RUNX1: variants seen among roughly 807,000 people sequenced by gnomAD.
RUNX1 encodes the protein runt-related transcription factor 1.
RUNX1 carries 19 observed loss-of-function variants against 42.8 expected under a neutral mutation model. That is an observed-to-expected ratio of 0.44 (90% CI 0.31 to 0.65). The LOEUF is 0.65. RUNX1 is among the 30% of genes least tolerant of loss of function. RUNX1 has a pLI of 0.07. For synonymous variants in RUNX1, 271 were observed against 289.4 expected (o/e 0.94, Z 0.64); for missense variants, 528 against 672.0 (o/e 0.79, Z 2.37).
At chr21:34,884,582 A>G (rs757997086) in intron 4 of RUNX1, among the ~76,000 whole-genome samples, 12 of 152,224 alleles carry the variant, frequency 7.9e-5, no homozygotes, top group Admixed American at 3.9e-4. Context: ...CCAGGGACAC[A>G]CACTAAATGA....
intron 5 of RUNX1, among the ~76,000 whole-genome samples, chr21:34,860,175 C>T (rs1423143750): frequency 6.6e-6 from 1 of 152,156 alleles, no homozygotes; most frequent in Non-Finnish European, 1.5e-5. Flanking sequence ...CATAAATGGA[C>T]TTAAGTATAT....
chr21:34,852,399 G>A (rs558683699), intron 6 of RUNX1, among the ~76,000 whole-genome samples: 4 of 152,100 alleles, frequency 2.6e-5, no homozygotes, highest in Non-Finnish European at 1.5e-5. Context: ...TCCACTCTAG[G>A]GTCAAGGAAG....
intron 2 of RUNX1, among the ~76,000 whole-genome samples, chr21:35,047,557 A>C (rs951381124): frequency 7.9e-5 from 6 of 75,816 alleles, no homozygotes; most frequent in Admixed American, 7.8e-4. Flanking sequence ...ACACACACAC[A>C]CACACTCTCT....
At chr21:34,797,154 T>C (rs146781649) in intron 8 of RUNX1, among the ~76,000 whole-genome samples, 237 of 152,326 alleles carry the variant, frequency 1.6e-3, no homozygotes, top group African/African-American at 5.4e-3. Flanking sequence ...TGAAGAGCAG[T>C]CTCCCATACT....
chr21:34,789,367 T>G lies in RUNX1; in HGVS notation c.*2768A>C, dbSNP rs74950917. The stretch of plus-strand genomic sequence containing the variant: ...AGAGGGAGGGAAATGTATTTTCAGA[T>G]AGTGAGAAAAAGAAAGAACTGAAAT... On this transcript the variant is annotated 3_prime_UTR_variant, in exon 9 of 9. Coordinates refer to ENST00000675419, the MANE Select transcript of RUNX1 (RefSeq NM_001754.5). The G allele has an allele frequency of 0.02, 4,633 of 233,554 alleles. 194 individuals carry two copies. Among genetic ancestry groups the G allele is most frequent in the African/African-American group, 0.095 (4,316 of 45,332 alleles). The allele number at this position is 233,554 out of a possible 1,614,324, so 14.5% of individuals were successfully genotyped here.
chr21:34,898,804 G>C (rs1438563781), intron 2 of RUNX1, among the ~76,000 whole-genome samples: 1 of 152,228 alleles, frequency 6.6e-6, no homozygotes, highest in African/African-American at 2.4e-5. Context: ...GCCTCAGCAG[G>C]TCTCGGAAGA....
At chr21:34,859,371 G>A (rs749872499) in intron 6 of RUNX1, 103 bp downstream of exon 6, 5 of 966,518 alleles carry the variant, frequency 5.2e-6, no homozygotes, top group African/African-American at 4.8e-5. Flanking sequence ...TCCCCCTGGG[G>A]GAAAGGTTGA....
chr21:35,004,153 A>G (rs1224151017), intron 2 of RUNX1, among the ~76,000 whole-genome samples: 1 of 152,214 alleles, frequency 6.6e-6, no homozygotes, highest in African/African-American at 2.4e-5. Context: ...ACTTGGAAAT[A>G]CAGAACTGTG....
chr21:34,861,141 A>C (rs1325658127), intron 5 of RUNX1, among the ~76,000 whole-genome samples: 1 of 152,220 alleles, frequency 6.6e-6, no homozygotes, highest in East Asian at 1.9e-4. Context: ...CAGAACCTAG[A>C]GACGAGTCTT....
At chr21:34,961,495 A>C (rs1044655315) in intron 2 of RUNX1, among the ~76,000 whole-genome samples, 2 of 152,184 alleles carry the variant, frequency 1.3e-5, no homozygotes, top group African/African-American at 4.8e-5. Context: ...TCTGGGTAAA[A>C]TTTCCACAAC....
At position 34,925,243 on chromosome 21, in the gene RUNX1, T is replaced by C. The variant is rs1469275566; in HGVS notation, c.59-32280A>G. Among the ~76,000 whole-genome samples, 3 of 152,250 alleles carry C rather than the reference T, an allele frequency of 2.0e-5. No individual in the cohort carries two copies. In the East Asian group the frequency reaches 5.8e-4, roughly 29 times the overall value. ...TAATTATACAGGTCTTTCATTACTC[T>C]TGAATTGGATCATGTGAGTTTATTT... On this transcript the variant is annotated intron_variant, in intron 2 of 8. Transcript: ENST00000675419.
chr21:34,890,102 GC>G (rs1251523720), intron 3 of RUNX1, among the ~76,000 whole-genome samples: 1 of 152,118 alleles, frequency 6.6e-6, no homozygotes, highest in Non-Finnish European at 1.5e-5. Flanking sequence ...GTTGCCGCGG[GC>G]CCGGACGCAG....
chr21:34,949,674 C>T (rs995456005), intron 2 of RUNX1, among the ~76,000 whole-genome samples: 22 of 152,336 alleles, frequency 1.4e-4, no homozygotes, highest in African/African-American at 4.6e-4. Flanking sequence ...CCCGCGCCAG[C>T]GAGGGCAGGC....
intron 3 of RUNX1, among the ~76,000 whole-genome samples, chr21:34,889,311 T>C (rs2058046662): frequency 6.6e-6 from 1 of 152,110 alleles, no homozygotes; most frequent in Admixed American, 6.5e-5. Flanking sequence ...CGCTGATTCC[T>C]TGCATGAGGC....
rs555869715 is a variant in RUNX1, at chr21:34,828,683, C to T, written c.805+5727G>A. Among the ~76,000 whole-genome samples, 213 of 152,210 alleles carry T rather than the reference C, an allele frequency of 1.4e-3. 2 individuals are homozygous for T. Among genetic ancestry groups the T allele is most frequent in the African/African-American group, 4.9e-3 (203 of 41,528 alleles). ...TTGGGAGGTGATTGAGTCATAAGGG[C>T]TCCATCCTCACAAATGAATTCATGC... On this transcript the variant is annotated intron_variant, in intron 7 of 8. Coordinates refer to ENST00000675419, the MANE Select transcript of RUNX1 (RefSeq NM_001754.5).
In RUNX1 at chr21:34,799,436, G is replaced by A. The variant is rs767251526; in HGVS notation, c.832C>T (p.Pro278Ser). 7 of 1,614,058 alleles carry A rather than the reference G, an allele frequency of 4.3e-6. No individual in the cohort carries two copies. The Admixed American group carries it at 5.0e-5, about 12-fold the overall frequency. ...TGGTAGGACTGATCGTAGGACCACG[G>A]TGGGGATGGTTGGATCTGCCTTGTA... ...QDTRQIQPSP[P>S]WSYDQSYQYL... The change falls in exon 8 of 9, where the codon CCG (proline) becomes TCG (serine). Residue 278 changes from proline (P) to serine (S), a missense_variant. By Grantham distance (74) the Pro-to-Ser change is moderately conservative. This residue lies in a region of RUNX1 where 331 missense variants were observed against 382.5 expected (regional missense o/e 0.87). Transcript: ENST00000675419.
At chr21:34,998,898 C>T (rs933626162) in intron 2 of RUNX1, among the ~76,000 whole-genome samples, 64 of 152,310 alleles carry the variant, frequency 4.2e-4, no homozygotes, top group African/African-American at 1.5e-3. Context: ...AAATATCCAC[C>T]CATGAAGTAC....
At chr21:35,018,027 T>C (rs374357182) in intron 2 of RUNX1, among the ~76,000 whole-genome samples, 2 of 152,042 alleles carry the variant, frequency 1.3e-5, no homozygotes, top group East Asian at 1.9e-4. Context: ...CTGTTTTTGT[T>C]TGTTTGTTTG....
chr21:34,996,336 A>AG (rs1261251085), intron 2 of RUNX1, among the ~76,000 whole-genome samples: 9 of 152,116 alleles, frequency 5.9e-5, no homozygotes, highest in Non-Finnish European at 8.8e-5. Flanking sequence ...TACAGGAGAG[A>AG]AAATAGAGAG....
Sources: allele counts gnomAD v4.1 joint callset (sites outside exome capture counted in the v4.1 genomes callset), GRCh38; gene constraint gnomAD v4.1.1; regional missense constraint gnomAD v4.1.1; transcripts MANE v1.5; gene names NCBI Gene and HGNC (gene_info 2026-07-23, HGNC 2026-07-21).